Variants in HINT3 observed in about 807,000 individuals in gnomAD.
HINT3 encodes the protein adenosine 5'-monophosphoramidase HINT3.
A neutral mutation model predicts 19.1 loss-of-function variants in HINT3; 16 were observed. The observed-to-expected ratio is 0.84, with a 90% confidence interval of 0.57 to 1.27. HINT3 has a LOEUF of 1.27. HINT3 is among the 50% of genes most tolerant of loss of function. The probability of loss-of-function intolerance (pLI) is 0.00; values close to 1 mark genes in which losing one functional copy is unlikely to be tolerated. For missense variants in HINT3, 197 were observed against 225.8 expected (o/e 0.87, Z 0.82); for synonymous variants, 75 against 84.8 (o/e 0.88, Z 0.63).
Position 125,956,859 on chromosome 6 carries a change from C to A in HINT3, c.-119C>A. ...CTCTCCCCAAAGCCTGGATCACCGCCCAGCGTCAGGCGAGGGGCGACGTCT... is the reference window on the plus strand; with the variant it reads ...CTCTCCCCAAAGCCTGGATCACCGCACAGCGTCAGGCGAGGGGCGACGTCT... On this transcript the variant is annotated 5_prime_UTR_variant, in exon 1 of 5. Coordinates refer to ENST00000229633, the MANE Select transcript of HINT3 (RefSeq NM_138571.5). 1.9e-6 allele frequency: 2 copies of A among 1,054,020 alleles called. No homozygotes were observed. The highest frequency in any genetic ancestry group is 2.7e-6 in the Non-Finnish European group (2 of 737,378). 65.3% of individuals were successfully genotyped at this position (1,054,020 alleles called of 1,614,324 possible). A position where few individuals can be genotyped will look rare whatever the true frequency, so the allele number is the denominator to read the frequency against.
At chr6:125,966,855 A>G in intron 1 of HINT3, 32 bp from the exon 2 acceptor site, 1 of 1,423,450 alleles carries the variant, frequency 7.0e-7, no homozygotes, top group Non-Finnish European at 9.8e-7. Flanking sequence ...AATTCTTTTT[A>G]AAAATTCACT....
chr6:125,962,096 A>G (rs1156690376), intron 1 of HINT3, among the ~76,000 whole-genome samples: 1 of 149,488 alleles, frequency 6.7e-6, no homozygotes, highest in Admixed American at 6.7e-5. Context: ...TGGTAACAAA[A>G]GACTGTAACA....
At chr6:125,969,128 A>G (rs1481711104) in intron 2 of HINT3, among the ~76,000 whole-genome samples, 2 of 152,104 alleles carry the variant, frequency 1.3e-5, no homozygotes, top group Non-Finnish European at 1.5e-5. Flanking sequence ...TAGGATTCTT[A>G]TAGTTTGAGG....
At position 125,966,879 on chromosome 6, in the gene HINT3, TCC is replaced by T; in HGVS notation, c.202-7_202-6del. On this transcript the variant is annotated splice_region_variant and splice_polypyrimidine_tract_variant and intron_variant, in intron 1 of 4. Coordinates refer to ENST00000229633, the MANE Select transcript of HINT3 (RefSeq NM_138571.5). The stretch of plus-strand genomic sequence containing the variant: ...TAAAAATTCACTAACAAATGTTTTT[TCC>T]TTTAGAATGAGGACCTAATTTGCTT... 6.4e-7 allele frequency: 1 copy of T among 1,570,098 alleles called. No homozygotes were observed. The highest frequency in any genetic ancestry group is 1.7e-5 in the Admixed American group (1 of 58,332).
chr6:125,970,609 A>G (rs1326112302), intron 2 of HINT3, among the ~76,000 whole-genome samples: 3 of 152,190 alleles, frequency 2.0e-5, no homozygotes, highest in Admixed American at 6.5e-5. Context: ...TAATTTTTAT[A>G]TAATTGATAA....
chr6:125,979,550 GA>G lies in HINT3; in HGVS notation c.*1875del, dbSNP rs1306042023. On this transcript the variant is annotated 3_prime_UTR_variant, in exon 5 of 5. Transcript: ENST00000229633. ...GGGTGGATCACAAGGTCAGGAGTTC[GA>G]GACCAGCCTGGCCAATATGGTGAAA... 2 of 152,126 alleles carry G rather than the reference GA, an allele frequency of 1.3e-5. No individual in the cohort carries two copies. Among genetic ancestry groups the G allele is most frequent in the Non-Finnish European group, 2.9e-5 (2 of 68,042 alleles). 9.4% of individuals were successfully genotyped at this position (152,126 alleles called of 1,614,324 possible).
At chr6:125,974,730 C>T in intron 3 of HINT3, 117 bp from the exon 4 acceptor site, 2 of 914,082 alleles carry the variant, frequency 2.2e-6, no homozygotes, top group Non-Finnish European at 3.4e-6. Context: ...AGATTTGTGA[C>T]AGTCTATTTA....
chr6:125,979,813 C>T lies in HINT3; in HGVS notation c.*2137C>T, dbSNP rs1297407164. On this transcript the variant is annotated 3_prime_UTR_variant, in exon 5 of 5. Transcript: ENST00000229633. ...AGGAATTCTCAGATGCCTTATGGAC[C>T]TCTTCAAAAATGTGGTTAGCCAATT... 1 of 152,050 alleles carries T rather than the reference C, an allele frequency of 6.6e-6. No homozygotes were observed. The highest frequency in any genetic ancestry group is 2.4e-5 in the African/African-American group (1 of 41,388). The allele number at this position is 152,050 out of a possible 1,614,324, so 9.4% of individuals were successfully genotyped here. A position where few individuals can be genotyped will look rare whatever the true frequency, so the allele number is the denominator to read the frequency against.
At chr6:125,975,835 C>T (rs1789172129) in intron 4 of HINT3, among the ~76,000 whole-genome samples, 2 of 152,140 alleles carry the variant, frequency 1.3e-5, no homozygotes, top group South Asian at 4.1e-4. Context: ...CTTGGTGTCC[C>T]AAAGTGCTGG....
chr6:125,962,235 CACAT>C (rs1788945400), intron 1 of HINT3, among the ~76,000 whole-genome samples: 1 of 15,652 alleles, frequency 6.4e-5, no homozygotes, highest in Admixed American at 8.4e-4. Context: ...TATATATATA[CACAT>C]ATATATATAT....
At position 125,965,525 on chromosome 6, in the gene HINT3, C is replaced by A. The variant is rs573776171; in HGVS notation, c.202-1362C>A. Among the ~76,000 whole-genome samples, 11 of 152,220 alleles carry A rather than the reference C, an allele frequency of 7.2e-5. No individual in the cohort carries two copies. The South Asian group carries it at 2.3e-3, about 32-fold the overall frequency. On this transcript the variant is annotated intron_variant, in intron 1 of 4. Coordinates refer to ENST00000229633, the MANE Select transcript of HINT3 (RefSeq NM_138571.5). ...ATGGTAATCCCAGCACTTTGGGAGACTGAGGCAGGAGGATCGCTTGAGTCC... is the reference window on the plus strand; with the variant it reads ...ATGGTAATCCCAGCACTTTGGGAGAATGAGGCAGGAGGATCGCTTGAGTCC...
At position 125,972,319 on chromosome 6, in the gene HINT3, C is replaced by A; in HGVS notation, c.380C>A (p.Thr127Lys). ...GAAAGAAATAATTTCACTGACTTCA[C>A]GAATGTGAGGTGTGTATACTTCCAG... Reference protein sequence around the residue: ...ILERNNFTDFTNVRMGFHMPP... With the variant: ...ILERNNFTDFKNVRMGFHMPP... The change falls in exon 3 of 5, where the codon ACG (threonine) becomes AAG (lysine). Residue 127 changes from threonine to lysine, a missense_variant. Coordinates refer to ENST00000229633, the MANE Select transcript of HINT3 (RefSeq NM_138571.5). 6.4e-7 allele frequency: 1 copy of A among 1,564,526 alleles called. No homozygotes were observed. The highest frequency in any genetic ancestry group is 8.7e-7 in the Non-Finnish European group (1 of 1,156,016).
intron 4 of HINT3, among the ~76,000 whole-genome samples, chr6:125,977,118 T>G (rs1352389979): frequency 6.6e-6 from 1 of 152,220 alleles, no homozygotes; most frequent in Admixed American, 6.5e-5. Flanking sequence ...TTTTATATTC[T>G]GTGGGTTTTG....
rs1789184413 is a variant in HINT3, at chr6:125,976,698, AAT to A, written c.517-943_517-942del. Among the ~76,000 whole-genome samples, 8 of 151,864 alleles carry A rather than the reference AAT, an allele frequency of 5.3e-5. No homozygotes were observed. In the South Asian group the frequency reaches 1.7e-3, roughly 32 times the overall value. ...TTTTTACTTGGAAAACATCTTATAA[AAT>A]ATGTTGTTGGTTTATCCTGAGAATC... On this transcript the variant is annotated intron_variant, in intron 4 of 4. Coordinates refer to ENST00000229633, the MANE Select transcript of HINT3 (RefSeq NM_138571.5).
chr6:125,958,289 G>C (rs1466120906), intron 1 of HINT3, among the ~76,000 whole-genome samples: 1 of 152,032 alleles, frequency 6.6e-6, no homozygotes, highest in Non-Finnish European at 1.5e-5. Context: ...AGGATGAAAG[G>C]CGAGGCTGGA....
At chr6:125,964,737 TACACACACACACACACACACAC>T (rs3083382) in intron 1 of HINT3, among the ~76,000 whole-genome samples, 3 of 148,436 alleles carry the variant, frequency 2.0e-5, no homozygotes, top group Non-Finnish European at 3.0e-5. Flanking sequence ...AATAGTTTTA[TACACACACACACACACACACAC>T]ACACACACAC....
In HINT3 at chr6:125,979,303, A is replaced by G. The variant is rs959843166; in HGVS notation, c.*1627A>G. ...TTTTTTTATCACTGTTTTATGATATAGTTCACTGAGCACTTACATAGATTA... is the reference window on the plus strand; with the variant it reads ...TTTTTTTATCACTGTTTTATGATATGGTTCACTGAGCACTTACATAGATTA... On this transcript the variant is annotated 3_prime_UTR_variant, in exon 5 of 5. Transcript: ENST00000229633. The G allele has an allele frequency of 6.6e-6, 1 of 152,222 alleles. No individual in the cohort carries two copies. Among genetic ancestry groups the G allele is most frequent in the Non-Finnish European group, 1.5e-5 (1 of 68,030 alleles). 9.4% of individuals were successfully genotyped at this position (152,222 alleles called of 1,614,324 possible).
At chr6:125,966,462 T>C (rs1366405174) in intron 1 of HINT3, among the ~76,000 whole-genome samples, 1 of 152,224 alleles carries the variant, frequency 6.6e-6, no homozygotes, top group Non-Finnish European at 1.5e-5. Context: ...CTTTTTATAA[T>C]TGAGGAAAAT....
intron 1 of HINT3, among the ~76,000 whole-genome samples, chr6:125,965,065 TG>T (rs1788999695): frequency 6.6e-6 from 1 of 152,160 alleles, no homozygotes; most frequent in Non-Finnish European, 1.5e-5. Context: ...TAATTAAGAT[TG>T]GGAAAATAAA....
Sources: gnomAD v4.1 joint callset for allele counts (sites outside exome capture counted in the v4.1 genomes callset) on GRCh38, gnomAD v4.1.1 for gene constraint, MANE v1.5 for transcripts, NCBI Gene and HGNC (gene_info 2026-07-23, HGNC 2026-07-21) for gene names.